PIP5K1B: variants seen among roughly 807,000 people sequenced by gnomAD.
The protein encoded by PIP5K1B is phosphatidylinositol-4-phosphate 5-kinase type 1 beta, also known as phosphatidylinositol 4-phosphate 5-kinase type-1 beta.
Under a neutral mutation model 67.0 loss-of-function variants are expected in PIP5K1B, and 42 were observed. The observed-to-expected ratio is 0.63, with a 90% CI of 0.49 to 0.81. The LOEUF is 0.81. Among genes scored for constraint, PIP5K1B ranks in the 30% least tolerant of loss-of-function variants. The probability of loss-of-function intolerance (pLI) is 0.00; values close to 1 mark genes in which losing one functional copy is unlikely to be tolerated. For synonymous variants in PIP5K1B, 214 were observed against 231.4 expected (o/e 0.92, Z 0.68); for missense variants, 459 against 646.3 (o/e 0.71, Z 3.14).
chr9:68,817,910 A>G (rs932423032), intron 2 of PIP5K1B, among the ~76,000 whole-genome samples: 3 of 152,138 alleles, frequency 2.0e-5, no homozygotes, highest in African/African-American at 4.8e-5. Context: ...ACAATAAGCA[A>G]GTATCTCTTC....
chr9:68,750,359 CCTGGATAAG>C (rs1829562909), intron 2 of PIP5K1B, among the ~76,000 whole-genome samples: 1 of 152,148 alleles, frequency 6.6e-6, no homozygotes, highest in South Asian at 2.1e-4. Context: ...TATATAATTC[CCTGGATAAG>C]CTGTAACAAC....
intron 2 of PIP5K1B, chr9:68,789,286 C>T (rs540320366): frequency 1.3e-4 from 53 of 416,840 alleles, no homozygotes; most frequent in Admixed American, 8.7e-4. Flanking sequence ...ATATTTGACT[C>T]GGTAGCCAAC....
chr9:68,837,712 T>A (rs1221271029), intron 4 of PIP5K1B, among the ~76,000 whole-genome samples: 1 of 151,458 alleles, frequency 6.6e-6, no homozygotes, highest in African/African-American at 2.4e-5. Flanking sequence ...GTGCTAGTAA[T>A]GCCTTGCTTT....
intron 13 of PIP5K1B, among the ~76,000 whole-genome samples, chr9:68,940,009 C>T (rs990395373): frequency 1.3e-5 from 2 of 152,050 alleles, no homozygotes; most frequent in East Asian, 1.9e-4. Flanking sequence ...GATGGGCTCT[C>T]GCATAAGTAA....
intron 14 of PIP5K1B, among the ~76,000 whole-genome samples, chr9:68,972,621 A>G (rs1448315544): frequency 6.6e-6 from 1 of 152,212 alleles, no homozygotes; most frequent in Admixed American, 6.5e-5. Flanking sequence ...ATCCTGAGCG[A>G]CAGAGCAAGC....
chr9:68,789,221 G>A, intron 2 of PIP5K1B: 1 of 505,272 alleles, frequency 2.0e-6, no homozygotes, highest in South Asian at 1.8e-5. Context: ...TGCTTCCTGT[G>A]ATGGTGTTGA....
At chr9:68,953,941 G>A (rs1385060456) in intron 14 of PIP5K1B, among the ~76,000 whole-genome samples, 7 of 151,962 alleles carry the variant, frequency 4.6e-5, no homozygotes, top group African/African-American at 1.7e-4. Context: ...GAGGAGAAAG[G>A]CCTGGCTGTC....
intron 14 of PIP5K1B, among the ~76,000 whole-genome samples, chr9:68,961,836 C>G (rs927790669): frequency 6.6e-6 from 1 of 152,180 alleles, no homozygotes; most frequent in Non-Finnish European, 1.5e-5. Flanking sequence ...GAATAAACCT[C>G]CATTCTTAAA....
At chr9:68,822,285 C>T (rs1833765656) in intron 3 of PIP5K1B, 1 of 187,684 alleles carries the variant, frequency 5.3e-6, no homozygotes, top group African/African-American at 2.4e-5. Flanking sequence ...CACACCACTG[C>T]ATTCCAATTC....
At chr9:68,977,574 C>T (rs1433960393) in intron 14 of PIP5K1B, among the ~76,000 whole-genome samples, 3 of 151,214 alleles carry the variant, frequency 2.0e-5, no homozygotes, top group African/African-American at 7.3e-5. Flanking sequence ...TTTTGGTTTG[C>T]TGTTGTTGTT....
intron 15 of PIP5K1B, among the ~76,000 whole-genome samples, chr9:69,005,916 G>A (rs1469981155): frequency 9.3e-5 from 14 of 150,178 alleles, no homozygotes; most frequent in East Asian, 5.9e-4. Flanking sequence ...GTCTCTCTCC[G>A]TCACCCAGGC....
chr9:68,948,512 G>T lies in PIP5K1B; in HGVS notation c.1502+7722G>T, dbSNP rs540648420. On this transcript the variant is annotated intron_variant, in intron 14 of 15. Coordinates refer to ENST00000265382, the MANE Select transcript of PIP5K1B (RefSeq NM_003558.4). ...ACAAAAAACACATCTGAGCATGGTG[G>T]CACGTGCCTGTAGTCCCAGCTACTT... Among the ~76,000 whole-genome samples the T allele has an allele frequency of 1.2e-4, 19 of 152,212 alleles. No homozygotes were observed. In the South Asian group the frequency reaches 1.9e-3, roughly 15 times the overall value.
At chr9:68,763,430 C>G (rs947675676) in intron 2 of PIP5K1B, among the ~76,000 whole-genome samples, 11 of 151,986 alleles carry the variant, frequency 7.2e-5, no homozygotes, top group Non-Finnish European at 1.6e-4. Context: ...CAGTAAAATG[C>G]TTAGGTTAGG....
At chr9:68,782,238 G>T (rs2132462811) in intron 2 of PIP5K1B, 1 of 167,224 alleles carries the variant, frequency 6.0e-6, no homozygotes, top group African/African-American at 2.4e-5. Context: ...GCTACAGCTT[G>T]AGTTGACTGC....
intron 14 of PIP5K1B, among the ~76,000 whole-genome samples, chr9:68,984,837 G>C (rs553739318): frequency 6.6e-6 from 1 of 152,160 alleles, no homozygotes; most frequent in Non-Finnish European, 1.5e-5. Flanking sequence ...GCACATTTGC[G>C]TACACTACTT....
At chr9:68,997,674 G>C (rs1830653822) in intron 15 of PIP5K1B, among the ~76,000 whole-genome samples, 1 of 152,134 alleles carries the variant, frequency 6.6e-6, no homozygotes, top group Non-Finnish European at 1.5e-5. Flanking sequence ...ATATTTCTAA[G>C]ACATGTGGAA....
intron 8 of PIP5K1B, among the ~76,000 whole-genome samples, chr9:68,898,199 T>C (rs894866553): frequency 1.3e-5 from 2 of 152,206 alleles, no homozygotes; most frequent in Non-Finnish European, 2.9e-5. Flanking sequence ...TCTTCTTTTA[T>C]GCCTCAACCC....
chr9:68,963,535 A>G (rs887494983), intron 14 of PIP5K1B, among the ~76,000 whole-genome samples: 1 of 151,914 alleles, frequency 6.6e-6, no homozygotes, highest in East Asian at 1.9e-4. Context: ...TAAGAAAGGA[A>G]CCATTCTAAG....
intron 2 of PIP5K1B, among the ~76,000 whole-genome samples, chr9:68,767,570 G>C (rs1194230922): frequency 6.8e-6 from 1 of 146,034 alleles, no homozygotes; most frequent in Non-Finnish European, 1.5e-5. Flanking sequence ...CTCCAGCCTG[G>C]GTGACAGAGC....
Sources: allele counts gnomAD v4.1 joint callset (sites outside exome capture counted in the v4.1 genomes callset), GRCh38; gene constraint gnomAD v4.1.1; transcripts MANE v1.5; gene names NCBI Gene and HGNC (gene_info 2026-07-23, HGNC 2026-07-21).